SYT7: variants seen among roughly 807,000 people sequenced by gnomAD.
SYT7 encodes synaptotagmin-7.
Under a neutral mutation model 75.1 loss-of-function variants are expected in SYT7, and 29 were observed. The ratio of observed to expected loss-of-function variants is 0.39; its 90% CI spans 0.29 to 0.53. SYT7 has a LOEUF of 0.53. Among genes scored for constraint, SYT7 ranks in the 20% least tolerant of loss-of-function variants. The pLI is 0.77. For missense variants in SYT7, 693 were observed against 953.2 expected, an observed-to-expected ratio of 0.73 and a Z score of 3.59; for synonymous variants, 376 against 401.7, an observed-to-expected ratio of 0.94 and a Z score of 0.76.
chr11:61,568,814 G>A (rs2135415170), intron 1 of SYT7, among the ~76,000 whole-genome samples: 1 of 152,356 alleles, frequency 6.6e-6, no homozygotes, highest in East Asian at 1.9e-4. Context: ...AGTGCTTTCA[G>A]AGCCACTGTC....
upstream of SYT7, among the ~76,000 whole-genome samples, chr11:61,583,639 G>C (rs2064328119): frequency 6.6e-6 from 1 of 152,178 alleles, no homozygotes; most frequent in Non-Finnish European, 1.5e-5. Flanking sequence ...CCCAGTGCTT[G>C]CTCCCATCTG....
At position 61,517,691 on chromosome 11, in the gene SYT7, CG is replaced by C; in HGVS notation, c.*935del. 2.5e-6 allele frequency: 1 copy of C among 397,964 alleles called. No individual in the cohort carries two copies. The highest frequency in any genetic ancestry group is 4.4e-6 in the Non-Finnish European group (1 of 226,142). 24.7% of individuals were successfully genotyped at this position (397,964 alleles called of 1,614,324 possible). ...AGTTAGGGCAAAGCTAGTCGGGGCT[CG>C]GGACCCCCTGAGAAGGAAGGGAGAT... On this transcript the variant is annotated 3_prime_UTR_variant, in exon 13 of 13. Coordinates refer to ENST00000539008, the MANE Select transcript of SYT7 (RefSeq NM_001365809.2).
In SYT7 at chr11:61,542,182, G is replaced by C; in HGVS notation, c.941+29C>G. ...GCAGGAGGCTGGGTCAGGGAGGTGG[G>C]GGCCGGCCCGCTCAAGGGGAGGACT... On this transcript the variant is annotated intron_variant, in intron 6 of 12. Transcript: ENST00000539008. The surrounding 1 kb of genome is among the most constrained non-coding windows in gnomAD (Gnocchi z 7.8). 1 of 1,526,038 alleles carries C rather than the reference G, an allele frequency of 6.6e-7. No homozygotes were observed. Among genetic ancestry groups the C allele is most frequent in the Non-Finnish European group, 8.8e-7 (1 of 1,142,370 alleles). 94.5% of individuals were successfully genotyped at this position (1,526,038 alleles called of 1,614,324 possible).
At chr11:61,535,581 G>A (rs898366865) in intron 7 of SYT7, among the ~76,000 whole-genome samples, 23 of 152,292 alleles carry the variant, frequency 1.5e-4, no homozygotes, top group African/African-American at 5.5e-4. Flanking sequence ...CGAGGCCCAG[G>A]AGCTGAAGGA....
chr11:61,529,806 T>C (rs1195092059), intron 8 of SYT7, among the ~76,000 whole-genome samples: 2 of 152,202 alleles, frequency 1.3e-5, no homozygotes, highest in African/African-American at 4.8e-5. Flanking sequence ...GGCTGATTTT[T>C]GTACTTTTAG....
chr11:61,553,590 C>A lies in SYT7; in HGVS notation c.136-2127G>T, dbSNP rs999663665. ...TCGACTATTGCTCTGCAGCAGGAGC[C>A]GAGGTGCTATGGGGGACAGGAACCA... On this transcript the variant is annotated intron_variant, in intron 2 of 12. Transcript: ENST00000539008. This position sits in a 1 kb window ranked among gnomAD's most constrained non-coding sequence, Gnocchi z 5.2. Among the ~76,000 whole-genome samples the A allele has an allele frequency of 6.6e-6, 1 of 152,172 alleles. No homozygotes were observed. Among genetic ancestry groups the A allele is most frequent in the Non-Finnish European group, 1.5e-5 (1 of 68,032 alleles).
chr11:61,538,227 A>G lies in SYT7; in HGVS notation c.981T>C (p.Leu327=). Residue 327 remains leucine, a synonymous_variant, in exon 7 of 13, where the codon CTT becomes CTC. Transcript: ENST00000539008. ...RMVVLSLVLG[L]SEQDDFANIP... is the part of the protein sequence containing the mutation. ...TATTGGCAAAGTCATCCTGTTCCGAAAGCCCTAAGACCAAGGATAGCACCA... is the reference window on the plus strand; with the variant it reads ...TATTGGCAAAGTCATCCTGTTCCGAGAGCCCTAAGACCAAGGATAGCACCA... The G allele has an allele frequency of 6.5e-7, 1 of 1,535,904 alleles. No individual in the cohort carries two copies.
rs992060779 is a variant in SYT7 at position 61,580,927 on chromosome 11, T to G, written c.-107A>C. 4.9e-3 allele frequency: 5,087 copies of G among 1,035,610 alleles called. 17 individuals are homozygous for G. Among genetic ancestry groups the G allele is most frequent in the Non-Finnish European group, 5.6e-3 (4,842 of 864,634 alleles). 64.2% of individuals were successfully genotyped at this position (1,035,610 alleles called of 1,614,324 possible). ...GGGCCGGGCGACCCCCGGGGGCGGG[T>G]CCGAGGGCGGGGGCCGAGCGGGCTG... On this transcript the variant is annotated 5_prime_UTR_variant, in exon 1 of 13. Coordinates refer to ENST00000539008, the MANE Select transcript of SYT7 (RefSeq NM_001365809.2). This position sits in a 1 kb window ranked among gnomAD's most constrained non-coding sequence, Gnocchi z 6.1.
At position 61,553,256 on chromosome 11, in the gene SYT7, C is replaced by T. The variant is rs117045356; in HGVS notation, c.136-1793G>A. The stretch of plus-strand genomic sequence containing the variant: ...CTATGCGGCTGTGCCACAGTGACCT[C>T]AGGCCCCCTTTGGCAGGACCCTCAG... On this transcript the variant is annotated intron_variant, in intron 2 of 12. Transcript: ENST00000539008. This position sits in a 1 kb window ranked among gnomAD's most constrained non-coding sequence, Gnocchi z 5.2. Among the ~76,000 whole-genome samples the T allele has an allele frequency of 1.3e-5, 2 of 152,362 alleles. No homozygotes were observed. The highest frequency in any genetic ancestry group is 3.9e-4 in the East Asian group (2 of 5,184).
In SYT7 at chr11:61,516,114, C is replaced by T. The variant is rs1344970694; in HGVS notation, c.*2513G>A. On this transcript the variant is annotated 3_prime_UTR_variant, in exon 13 of 13. Coordinates refer to ENST00000539008, the MANE Select transcript of SYT7 (RefSeq NM_001365809.2). This position sits in a 1 kb window ranked among gnomAD's most constrained non-coding sequence, Gnocchi z 4.6. ...GATGGTGGCAAGGCTCCGGTGCCCT[C>T]CCCCCACCCTCAAGTTCCCCCATTC... 2.1e-5 allele frequency: 3 copies of T among 143,460 alleles called. No individual in the cohort carries two copies. Among genetic ancestry groups the T allele is most frequent in the Non-Finnish European group, 4.6e-5 (3 of 64,910 alleles). 8.9% of individuals were successfully genotyped at this position (143,460 alleles called of 1,614,324 possible). A position where few individuals can be genotyped will look rare whatever the true frequency, so the allele number is the denominator to read the frequency against.
At chr11:61,539,375 C>T (rs970616935) in intron 6 of SYT7, 2 of 152,060 alleles carry the variant, frequency 1.3e-5, no homozygotes, top group African/African-American at 4.8e-5. Context: ...CCGCATTTGC[C>T]AGGGGGGGAG....
intron 1 of SYT7, among the ~76,000 whole-genome samples, chr11:61,558,485 T>TATACACACACACACACACATACAC: frequency 7.3e-6 from 1 of 137,524 alleles, no homozygotes; most frequent in African/African-American, 3.1e-5. Context: ...AATATATATA[T>TATACACACACACACACACATACAC]ACACACACAC....
intron 2 of SYT7, among the ~76,000 whole-genome samples, chr11:61,554,308 CCACACA>C (rs138109850): frequency 2.6e-5 from 4 of 151,724 alleles, no homozygotes; most frequent in Non-Finnish European, 4.4e-5. Flanking sequence ...ACACCCACAC[CCACACA>C]CACACACTGC....
At chr11:61,533,621 C>G in intron 7 of SYT7, 1 of 985,366 alleles carries the variant, frequency 1.0e-6, no homozygotes, top group Non-Finnish European at 1.2e-6. Context: ...TGCTTGGGCT[C>G]ATCAAGAGTT....
chr11:61,564,882 T>C (rs552747141), intron 1 of SYT7, among the ~76,000 whole-genome samples: 28 of 152,298 alleles, frequency 1.8e-4, no homozygotes, highest in South Asian at 4.1e-4. Context: ...GAGTCTCAGC[T>C]GGCCTCAGGG....
chr11:61,541,998 G>T (rs2063056037), intron 6 of SYT7, among the ~76,000 whole-genome samples: 1 of 152,178 alleles, frequency 6.6e-6, no homozygotes, highest in Non-Finnish European at 1.5e-5. Flanking sequence ...AGGGGCAGGG[G>T]TCCTCATAGG....
rs546212000 is a variant in SYT7, at chr11:61,518,473, G to A, written c.*154C>T. The stretch of plus-strand genomic sequence containing the variant: ...GATGGGGCTGGTACTTCCTAGAAAC[G>A]GGGCCCAGTTGAGTCCTGGGACCCC... On this transcript the variant is annotated 3_prime_UTR_variant, in exon 13 of 13. Coordinates refer to ENST00000539008, the MANE Select transcript of SYT7 (RefSeq NM_001365809.2). The A allele has an allele frequency of 4.5e-5, 22 of 486,556 alleles. No homozygotes were observed. The highest frequency in any genetic ancestry group is 3.8e-4 in the South Asian group (10 of 26,386). 30.1% of individuals were successfully genotyped at this position (486,556 alleles called of 1,614,324 possible).
At position 61,514,631 on chromosome 11, in the gene SYT7, T is replaced by A. The variant is rs2062110610; in HGVS notation, c.*3996A>T. 6.6e-6 allele frequency among the ~76,000 whole-genome samples: 1 copy of A among 152,060 alleles called. No homozygotes were observed. Among genetic ancestry groups the A allele is most frequent in the Non-Finnish European group, 1.5e-5 (1 of 67,986 alleles). Reference sequence around the variant, plus strand: ...AAGAAAGGGCAGGGGATGGGGATGGTTATTGCTTTGTTGTGGCCAGAAGAA... The same window carrying A: ...AAGAAAGGGCAGGGGATGGGGATGGATATTGCTTTGTTGTGGCCAGAAGAA... On this transcript the variant is annotated 3_prime_UTR_variant, in exon 13 of 13. Transcript: ENST00000539008.
In SYT7 at chr11:61,533,062, T is replaced by C; in HGVS notation, c.1127A>G (p.Glu376Gly). The change falls in exon 8 of 13, where the codon GAG becomes GGG. Residue 376 changes from glutamate to glycine, a missense_variant. By Grantham distance (98) the Glu-to-Gly change is moderately conservative. Transcript: ENST00000539008. ...ACGTGGCTCGGTCCGGCGGTCGGAC[T>C]CATCGTGGGGTGTCTGGCCTGGCAC... ...APVPGQTPHD[E>G]SDRRTEPRSS... 2 of 1,613,204 alleles carry C rather than the reference T, an allele frequency of 1.2e-6. No individual in the cohort carries two copies. Among genetic ancestry groups the C allele is most frequent in the African/African-American group, 2.7e-5 (2 of 75,054 alleles).
Sources: gnomAD v4.1 joint callset for allele counts (sites outside exome capture counted in the v4.1 genomes callset) on GRCh38, gnomAD v4.1.1 for gene constraint, Gnocchi (gnomAD v3.1) non-coding constraint, MANE v1.5 for transcripts, NCBI Gene and HGNC (gene_info 2026-07-23, HGNC 2026-07-21) for gene names.